FARP2: variants seen among roughly 807,000 people sequenced by gnomAD.
The protein encoded by FARP2 is FERM, ARHGEF and pleckstrin domain-containing protein 2.
Under a neutral mutation model 130.5 loss-of-function variants are expected in FARP2, and 111 were observed. The observed-to-expected ratio is 0.85, with a 90% CI of 0.73 to 1.00. The LOEUF is 1.00. FARP2 is among the 50% of genes least tolerant of loss of function. The pLI is 0.00. For missense variants in FARP2, 1,385 were observed against 1,346.3 expected (o/e 1.03, Z -0.45); for synonymous variants, 504 against 516.9 (o/e 0.98, Z 0.34).
chr2:241,434,500 G>T (rs1279990262), intron 10 of FARP2, among the ~76,000 whole-genome samples, 179 bp downstream of exon 10: 1 of 152,092 alleles, frequency 6.6e-6, no homozygotes, highest in African/African-American at 2.4e-5. Context: ...GAAAAAATAC[G>T]CTTAATAAAA....
intron 1 of FARP2, among the ~76,000 whole-genome samples, chr2:241,364,535 A>G (rs1409186109): frequency 6.6e-6 from 1 of 152,262 alleles, no homozygotes; most frequent in Admixed American, 6.5e-5. Flanking sequence ...TTAAGGCTAC[A>G]GTTAAAAAAT....
chr2:241,431,810 TTTTATTTA>T (rs535404336), intron 9 of FARP2, 36 bp downstream of exon 9: 1 of 759,196 alleles, frequency 1.3e-6, no homozygotes, highest in Non-Finnish European at 1.9e-6. Flanking sequence ...TTTTATTTTA[TTTTATTTA>T]TTTATTTATT....
intron 4 of FARP2, 29 bp from the exon 5 acceptor site, chr2:241,407,508 T>A (rs1027377537): frequency 9.7e-6 from 15 of 1,543,928 alleles, no homozygotes; most frequent in Middle Eastern, 1.7e-4. Flanking sequence ...ATCGGCCTTA[T>A]TTGTGAAGTT....
chr2:241,366,129 A>ATATACG (rs1559702253), intron 1 of FARP2, among the ~76,000 whole-genome samples: 3 of 99,196 alleles, frequency 3.0e-5, no homozygotes, highest in Non-Finnish European at 6.7e-5. Context: ...ATACGTATAT[A>ATATACG]TATATATATA....
rs796541534 is a variant in FARP2, at chr2:241,490,744, T to G, written c.2505-317T>G. Among the ~76,000 whole-genome samples the G allele has an allele frequency of 7.9e-5, 12 of 152,292 alleles. 1 individual carries two copies. The highest frequency in any genetic ancestry group is 2.6e-4 in the African/African-American group (11 of 41,548). Reference sequence around the variant, plus strand: ...ACTTAATCATGAACCAGGGCCAATCTTGCATTTCAGCATCACAGATGTAGA... The same window carrying G: ...ACTTAATCATGAACCAGGGCCAATCGTGCATTTCAGCATCACAGATGTAGA... On this transcript the variant is annotated intron_variant, in intron 22 of 26. Coordinates refer to ENST00000264042, the MANE Select transcript of FARP2 (RefSeq NM_014808.4).
At chr2:241,371,853 A>G (rs963962434) in intron 1 of FARP2, among the ~76,000 whole-genome samples, 1 of 152,182 alleles carries the variant, frequency 6.6e-6, no homozygotes, top group Non-Finnish European at 1.5e-5. Context: ...TTATTAATAA[A>G]TATTAAAAAC....
intron 5 of FARP2, among the ~76,000 whole-genome samples, chr2:241,410,308 T>C (rs1356650267): frequency 6.6e-6 from 1 of 152,238 alleles, no homozygotes; most frequent in Admixed American, 6.5e-5. Flanking sequence ...CATCCAAAAC[T>C]GTGAGTGCAG....
At chr2:241,411,188 A>T in intron 6 of FARP2, 58 bp downstream of exon 6, 2 of 1,146,786 alleles carry the variant, frequency 1.7e-6, no homozygotes, top group Non-Finnish European at 2.6e-6. Context: ...ATATACCCGC[A>T]CTCAGAACTA....
At chr2:241,463,792 C>T in intron 16 of FARP2, 107 bp from the exon 17 acceptor site, 1 of 994,706 alleles carries the variant, frequency 1.0e-6, no homozygotes, top group Non-Finnish European at 1.5e-6. Context: ...CAGAGCTTCA[C>T]CACCTTCCTC....
chr2:241,456,939 T>C lies in FARP2; in HGVS notation c.1587+17T>C. Reference sequence around the variant, plus strand: ...AGACACAAGGTGGGCCCCTCGAGGCTGAGAAGCTAGCAGAGGGTTGCAGGG... The same window carrying C: ...AGACACAAGGTGGGCCCCTCGAGGCCGAGAAGCTAGCAGAGGGTTGCAGGG... On this transcript the variant is annotated intron_variant, in intron 14 of 26. Transcript: ENST00000264042. 1 of 1,569,748 alleles carries C rather than the reference T, an allele frequency of 6.4e-7. No homozygotes were observed. Among genetic ancestry groups the C allele is most frequent in the Non-Finnish European group, 8.6e-7 (1 of 1,158,126 alleles).
chr2:241,456,803 C>G lies in FARP2; in HGVS notation c.1468C>G (p.Leu490Val). ...SPSSRKSPLS[L>V]SPAFQVPLGP... Reference sequence around the variant, plus strand: ...CTCCAGCCGGAAGAGCCCCCTGAGTCTGAGCCCTGCATTTCAGGTGCCTTT... The same window carrying G: ...CTCCAGCCGGAAGAGCCCCCTGAGTGTGAGCCCTGCATTTCAGGTGCCTTT... Residue 490 changes from leucine to valine, a missense_variant, in exon 14 of 27, where the codon CTG becomes GTG. Coordinates refer to ENST00000264042, the MANE Select transcript of FARP2 (RefSeq NM_014808.4). 6.2e-7 allele frequency: 1 copy of G among 1,614,140 alleles called. No homozygotes were observed. The highest frequency in any genetic ancestry group is 2.2e-5 in the East Asian group (1 of 44,860).
chr2:241,356,595 A>G (rs1005322285), intron 1 of FARP2, among the ~76,000 whole-genome samples: 11 of 151,994 alleles, frequency 7.2e-5, no homozygotes, highest in African/African-American at 2.7e-4. Flanking sequence ...GTCCGTCTGT[A>G]GGGAGCCTGC....
At chr2:241,403,958 G>A (rs773720092) in intron 3 of FARP2, 26 bp downstream of exon 3, 58 of 1,376,316 alleles carry the variant, frequency 4.2e-5, no homozygotes, top group Admixed American at 2.2e-4. Flanking sequence ...GTGCCCAGGC[G>A]TGGAGCCTTT....
intron 5 of FARP2, among the ~76,000 whole-genome samples, chr2:241,408,435 TG>T (rs2150357607): frequency 6.6e-6 from 1 of 150,820 alleles, no homozygotes; most frequent in African/African-American, 2.4e-5. Flanking sequence ...CCCAGCTAAT[TG>T]GGAGGCTGAG....
At chr2:241,395,327 A>G (rs2062004467) in intron 2 of FARP2, 1 of 152,236 alleles carries the variant, frequency 6.6e-6, no homozygotes, top group African/African-American at 2.4e-5. Flanking sequence ...AAAAAGTTCA[A>G]AGAGCTAAAA....
chr2:241,417,849 T>G (rs1371860992), intron 7 of FARP2, 113 bp from the exon 8 acceptor site: 6 of 1,204,500 alleles, frequency 5.0e-6, no homozygotes, highest in Non-Finnish European at 7.2e-6. Context: ...CCATCTGCCC[T>G]CTAAACACAC....
At chr2:241,437,197 A>G (rs777008181) in intron 12 of FARP2, among the ~76,000 whole-genome samples, 1 of 152,270 alleles carries the variant, frequency 6.6e-6, no homozygotes, top group Non-Finnish European at 1.5e-5. Context: ...TTATGTTACA[A>G]ATGAAAAGCA....
chr2:241,491,388 A>T, intron 23 of FARP2, 128 bp from the exon 24 acceptor site: 1 of 1,071,040 alleles, frequency 9.3e-7, no homozygotes, highest in Non-Finnish European at 1.4e-6. Flanking sequence ...GCTCTCAGCC[A>T]GCAGCTGGCC....
intron 13 of FARP2, among the ~76,000 whole-genome samples, chr2:241,449,655 TATG>T (rs892418461): frequency 3.5e-4 from 53 of 152,076 alleles, no homozygotes; most frequent in African/African-American, 1.3e-3. Context: ...TCAGAAATCA[TATG>T]ATGAATATTG....
Sources: gnomAD v4.1 joint callset for allele counts (sites outside exome capture counted in the v4.1 genomes callset) on GRCh38, gnomAD v4.1.1 for gene constraint, MANE v1.5 for transcripts, NCBI Gene and HGNC (gene_info 2026-07-23, HGNC 2026-07-21) for gene names.